Variants in STAM observed in about 807,000 individuals in gnomAD.
The protein encoded by STAM is signal transducing adaptor molecule.
Under a neutral mutation model 63.4 loss-of-function variants are expected in STAM, and 16 were observed. The observed-to-expected ratio is 0.25, with a 90% confidence interval of 0.17 to 0.38. The LOEUF is 0.38. STAM is among the 10% of genes least tolerant of loss of function. The pLI is 1.00. For missense variants in STAM, 636 were observed against 657.1 expected, an observed-to-expected ratio of 0.97 and a Z score of 0.35; for synonymous variants, 238 against 223.9, an observed-to-expected ratio of 1.06 and a Z score of -0.56.
intron 2 of STAM, among the ~76,000 whole-genome samples, chr10:17,669,733 T>C (rs1276621571): frequency 2.0e-5 from 3 of 150,930 alleles, no homozygotes; most frequent in African/African-American, 7.3e-5. Context: ...AGTCTCGCTC[T>C]GTCACCCAGG....
intron 9 of STAM, among the ~76,000 whole-genome samples, chr10:17,703,011 AAAAAAAAAAAAAAAAAGAAAAG>A (rs879983285): frequency 3.0e-5 from 4 of 134,956 alleles, no homozygotes; most frequent in Non-Finnish European, 6.5e-5. Context: ...TCCATCTCAA[AAAAAAAAAAAAAAAAAGAAAAG>A]AAAAGAAAAG....
At chr10:17,661,218 C>G (rs1393913252) in intron 2 of STAM, among the ~76,000 whole-genome samples, 1 of 152,200 alleles carries the variant, frequency 6.6e-6, no homozygotes, top group Non-Finnish European at 1.5e-5. Flanking sequence ...CCTGGGCTAA[C>G]AGCATTAGCC....
At chr10:17,680,378 A>C (rs561918694) in intron 2 of STAM, among the ~76,000 whole-genome samples, 1 of 151,708 alleles carries the variant, frequency 6.6e-6, no homozygotes. Context: ...GCCCCCTGGC[A>C]ACCACCATTC....
intron 2 of STAM, among the ~76,000 whole-genome samples, chr10:17,683,155 T>A (rs1835156314): frequency 6.6e-6 from 1 of 152,194 alleles, no homozygotes; most frequent in Non-Finnish European, 1.5e-5. Flanking sequence ...TTTATGGTTT[T>A]ATTTTTTTGA....
rs782747726 is a variant in STAM at position 17,695,078 on chromosome 10, C to T, written c.565C>T (p.Gln189Ter). 6.2e-7 allele frequency: 1 copy of T among 1,613,910 alleles called. No homozygotes were observed. Among genetic ancestry groups the T allele is most frequent in the Admixed American group, 1.7e-5 (1 of 60,004 alleles). Reference protein sequence around the residue: ...AIELSLKEQRQQSTTLSTLYP... With the variant: ...AIELSLKEQR Reference sequence around the variant, plus strand: ...TGAGTTGTCTCTCAAGGAACAAAGGCAGCAGTCAACCACCCTTTCCACTTT... The same window carrying T: ...TGAGTTGTCTCTCAAGGAACAAAGGTAGCAGTCAACCACCCTTTCCACTTT... The change falls in exon 7 of 14, where the codon CAG becomes TAG. Residue 189 changes from glutamine (Q) to a stop codon, truncating the protein, a stop_gained. Transcript: ENST00000377524. LOFTEE classifies it high-confidence loss of function.
chr10:17,698,382 A>G (rs974309418), intron 8 of STAM, among the ~76,000 whole-genome samples: 4 of 149,954 alleles, frequency 2.7e-5, no homozygotes, highest in Admixed American at 2.0e-4. Context: ...TGTTCAAGAT[A>G]AGGTCAAGGA....
chr10:17,687,300 C>A (rs1214480279), intron 4 of STAM, among the ~76,000 whole-genome samples: 2 of 152,034 alleles, frequency 1.3e-5, no homozygotes, highest in Non-Finnish European at 2.9e-5. Context: ...CATGGTAAAA[C>A]CCCGCGTCTG....
intron 1 of STAM, among the ~76,000 whole-genome samples, chr10:17,649,381 A>C (rs1205886133): frequency 6.9e-6 from 1 of 144,716 alleles, no homozygotes; most frequent in East Asian, 2.0e-4. Context: ...CAAGAGAGTG[A>C]GACCCTGTCT....
intron 2 of STAM, among the ~76,000 whole-genome samples, chr10:17,662,074 C>T (rs1384041852): frequency 3.3e-5 from 5 of 152,190 alleles, no homozygotes; most frequent in Non-Finnish European, 5.9e-5. Context: ...AATTAACCCA[C>T]TGGCATTTTT....
intron 2 of STAM, among the ~76,000 whole-genome samples, chr10:17,683,037 TAGATA>T (rs1159361301): frequency 6.6e-6 from 1 of 152,256 alleles, no homozygotes; most frequent in Non-Finnish European, 1.5e-5. Flanking sequence ...CGGTAGTGAA[TAGATA>T]AAAGTGTAGT....
intron 1 of STAM, among the ~76,000 whole-genome samples, chr10:17,653,912 C>G (rs1554821843): frequency 6.6e-6 from 1 of 152,088 alleles, no homozygotes; most frequent in Admixed American, 6.5e-5. Flanking sequence ...TGTGATAAAA[C>G]TCTAATTGTA....
At chr10:17,708,663 G>C in intron 12 of STAM, 113 bp from the exon 13 acceptor site, 1 of 1,086,500 alleles carries the variant, frequency 9.2e-7, no homozygotes, top group Non-Finnish European at 1.2e-6. Context: ...TTGAAAAAAG[G>C]ATTCCAGAGT....
At chr10:17,674,529 T>C (rs1834767887) in intron 2 of STAM, among the ~76,000 whole-genome samples, 1 of 152,272 alleles carries the variant, frequency 6.6e-6, no homozygotes, top group East Asian at 1.9e-4. Flanking sequence ...GGCCTCTGCT[T>C]GTGGCTTGAG....
At chr10:17,670,851 C>T (rs1434152928) in intron 2 of STAM, among the ~76,000 whole-genome samples, 1 of 150,022 alleles carries the variant, frequency 6.7e-6, no homozygotes, top group Non-Finnish European at 1.5e-5. Context: ...TATTTTGCTC[C>T]TTTTATATGT....
chr10:17,671,555 G>T (rs1554824098), intron 2 of STAM, among the ~76,000 whole-genome samples: 5 of 152,140 alleles, frequency 3.3e-5, no homozygotes, highest in African/African-American at 9.7e-5. Flanking sequence ...GCTCCATTAG[G>T]GATGGTTTCA....
chr10:17,693,335 G>A (rs1190195106), intron 6 of STAM, 23 bp downstream of exon 6: 6 of 1,567,858 alleles, frequency 3.8e-6, no homozygotes, highest in Non-Finnish European at 5.2e-6. Context: ...GTCCCTGATG[G>A]TGGGAATAAC....
At chr10:17,701,068 A>G (rs1835972448) in intron 9 of STAM, among the ~76,000 whole-genome samples, 1 of 152,234 alleles carries the variant, frequency 6.6e-6, no homozygotes, top group Admixed American at 6.5e-5. Flanking sequence ...GCTCAAAAAT[A>G]TAATATCAAC....
intron 9 of STAM, among the ~76,000 whole-genome samples, chr10:17,704,001 T>C (rs565236340): frequency 4.6e-5 from 7 of 152,368 alleles, no homozygotes; most frequent in African/African-American, 1.7e-4. Context: ...TCCTCTGGCA[T>C]GACATAAGAG....
intron 5 of STAM, among the ~76,000 whole-genome samples, chr10:17,692,523 G>GTC (rs1835585752): frequency 6.6e-6 from 1 of 152,168 alleles, no homozygotes; most frequent in Non-Finnish European, 1.5e-5. Flanking sequence ...AATGAGGTTG[G>GTC]TAAGATAGGC....
Sources: allele counts gnomAD v4.1 joint callset (sites outside exome capture counted in the v4.1 genomes callset), GRCh38; gene constraint gnomAD v4.1.1; transcripts MANE v1.5; gene names NCBI Gene and HGNC (gene_info 2026-07-23, HGNC 2026-07-21).